Variants in PDE11A observed in about 807,000 individuals in gnomAD.
The protein encoded by PDE11A is phosphodiesterase 11A, also known as dual 3',5'-cyclic-AMP and -GMP phosphodiesterase 11A.
Under a neutral mutation model 100.5 loss-of-function variants are expected in PDE11A, and 100 were observed. That is an observed-to-expected ratio of 1.00 (90% CI 0.85 to 1.18). The LOEUF is 1.18. PDE11A is among the 50% of genes most tolerant of loss of function. The pLI is 0.00. For missense variants in PDE11A, 1,141 were observed against 1,152.6 expected, an observed-to-expected ratio of 0.99 and a Z score of 0.15; for synonymous variants, 381 against 420.8, an observed-to-expected ratio of 0.91 and a Z score of 1.16.
chr2:178,071,470 G>A (rs1326748254), intron 1 of PDE11A, 56 bp downstream of exon 1: 27 of 1,609,350 alleles, frequency 1.7e-5, no homozygotes, highest in Non-Finnish European at 1.9e-5. Flanking sequence ...GATAACCGAA[G>A]GCTTATCTCC....
At chr2:177,634,008 G>C (rs1374963169) in intron 19 of PDE11A, among the ~76,000 whole-genome samples, 1 of 152,114 alleles carries the variant, frequency 6.6e-6, no homozygotes, top group Non-Finnish European at 1.5e-5. Flanking sequence ...AAGCTGCTGG[G>C]AAATGATCTT....
In PDE11A at chr2:177,840,339, A is replaced by C. The variant is rs750217364; in HGVS notation, c.1412T>G (p.Ile471Arg). The C allele has an allele frequency of 1.2e-6, 2 of 1,613,532 alleles. No individual in the cohort carries two copies. Among genetic ancestry groups the C allele is most frequent in the East Asian group, 4.5e-5 (2 of 44,876 alleles). ...AACCAGCTCAGCAATGCTGTTATTT[A>C]TTAGCCAGTCGGAGTATGATGATTT... is the stretch of plus-strand genomic sequence containing the variant. Reference protein sequence around the residue: ...MEKSSYSDWLINNSIAELVAS... With the variant: ...MEKSSYSDWLRNNSIAELVAS... The change falls in exon 6 of 20, where the codon ATA becomes AGA. Residue 471 changes from isoleucine (I) to arginine (R), a missense_variant. Physicochemically the swap from Ile to Arg is moderately conservative, Grantham distance 97. Transcript: ENST00000286063.
upstream of PDE11A, among the ~76,000 whole-genome samples, chr2:178,073,327 T>C (rs1045716688): frequency 7.2e-5 from 11 of 152,176 alleles, no homozygotes; most frequent in Admixed American, 3.3e-4. Flanking sequence ...TCCCCGAAAA[T>C]AGCAAATAAA....
At chr2:177,705,271 A>G (rs1170218808) in intron 13 of PDE11A, among the ~76,000 whole-genome samples, 1 of 151,988 alleles carries the variant, frequency 6.6e-6, no homozygotes, top group East Asian at 1.9e-4. Flanking sequence ...GAAAAAATTG[A>G]CTTTAACAGC....
chr2:177,883,098 G>T (rs961089593), intron 4 of PDE11A, among the ~76,000 whole-genome samples: 1 of 151,722 alleles, frequency 6.6e-6, no homozygotes, highest in African/African-American at 2.4e-5. Flanking sequence ...GTGAAACCCC[G>T]TCTCTATTAA....
intron 1 of PDE11A, among the ~76,000 whole-genome samples, chr2:178,069,811 T>C (rs976320814): frequency 1.3e-5 from 2 of 151,988 alleles, no homozygotes; most frequent in African/African-American, 4.8e-5. Flanking sequence ...AAGGACAGTA[T>C]GAAATAAAGG....
At chr2:177,779,743 T>C (rs1259196260) in intron 9 of PDE11A, among the ~76,000 whole-genome samples, 1 of 152,198 alleles carries the variant, frequency 6.6e-6, no homozygotes, top group Non-Finnish European at 1.5e-5. Flanking sequence ...ACTGAAGTCT[T>C]AAACCCTTCA....
chr2:177,669,066 C>G (rs900276005), intron 18 of PDE11A, among the ~76,000 whole-genome samples: 1 of 152,094 alleles, frequency 6.6e-6, no homozygotes, highest in African/African-American at 2.4e-5. Context: ...ACAAAAGAAA[C>G]AGAGATTTGA....
At chr2:177,825,395 G>C (rs1408400673) in intron 6 of PDE11A, among the ~76,000 whole-genome samples, 1 of 152,184 alleles carries the variant, frequency 6.6e-6, no homozygotes, top group African/African-American at 2.4e-5. Context: ...AATCAGGTGG[G>C]AGAGGAGAAC....
chr2:177,767,285 G>A (rs1306810824), intron 10 of PDE11A, among the ~76,000 whole-genome samples: 2 of 152,042 alleles, frequency 1.3e-5, no homozygotes, highest in African/African-American at 2.4e-5. Context: ...AGCTGAGACT[G>A]TGCCACTGCA....
chr2:177,719,878 C>CA (rs148851424), intron 12 of PDE11A, among the ~76,000 whole-genome samples: 220 of 150,806 alleles, frequency 1.5e-3, no homozygotes, highest in Middle Eastern at 3.4e-3. Context: ...ATCTTAACAA[C>CA]AAAAAAAAAG....
intron 5 of PDE11A, among the ~76,000 whole-genome samples, chr2:177,850,300 A>G (rs1436675781): frequency 1.3e-5 from 2 of 152,256 alleles, no homozygotes; most frequent in Non-Finnish European, 2.9e-5. Context: ...TTCCCTATTT[A>G]ATAAATGGTG....
chr2:178,077,597 T>C (rs1009052731), upstream of PDE11A, among the ~76,000 whole-genome samples: 3 of 152,196 alleles, frequency 2.0e-5, no homozygotes, highest in Non-Finnish European at 2.9e-5. Flanking sequence ...CATTAAGGCC[T>C]TGTCAAAAGG....
intron 10 of PDE11A, among the ~76,000 whole-genome samples, chr2:177,742,378 G>A (rs541037715): frequency 6.6e-6 from 1 of 152,144 alleles, no homozygotes; most frequent in East Asian, 1.9e-4. Flanking sequence ...CCTCTCTATT[G>A]CCCCTGATGA....
At chr2:178,004,376 T>TG (rs2086180288) in intron 2 of PDE11A, among the ~76,000 whole-genome samples, 1 of 152,212 alleles carries the variant, frequency 6.6e-6, no homozygotes, top group South Asian at 2.1e-4. Flanking sequence ...GAAAGGAATT[T>TG]AATTTTTAAA....
rs952609899 is a variant in PDE11A at position 178,027,820 on chromosome 2, C to A, written c.913-13360G>T. ...ATGGATTTTTCAACTCTCTCAGATTCTGACCTTCTCCACATTTAATGTGAA... is the reference window on the plus strand; with the variant it reads ...ATGGATTTTTCAACTCTCTCAGATTATGACCTTCTCCACATTTAATGTGAA... On this transcript the variant is annotated intron_variant, in intron 1 of 19. Coordinates refer to ENST00000286063, the MANE Select transcript of PDE11A (RefSeq NM_016953.4). Among the ~76,000 whole-genome samples the A allele has an allele frequency of 3.9e-4, 60 of 152,170 alleles. 3 individuals carry two copies. Among genetic ancestry groups the A allele is most frequent in the Admixed American group, 6.5e-5 (1 of 15,270 alleles).
At chr2:177,854,150 G>C (rs1195550930) in intron 5 of PDE11A, among the ~76,000 whole-genome samples, 1 of 151,636 alleles carries the variant, frequency 6.6e-6, no homozygotes, top group African/African-American at 2.4e-5. Context: ...ACCTATATAG[G>C]CTACTTTATT....
chr2:178,051,711 T>A (rs1238662806), intron 1 of PDE11A, among the ~76,000 whole-genome samples: 1 of 152,086 alleles, frequency 6.6e-6, no homozygotes, highest in Non-Finnish European at 1.5e-5. Context: ...GGGGTTGCAA[T>A]CCTAGTCTCT....
At chr2:177,836,191 C>A (rs1405880275) in intron 6 of PDE11A, among the ~76,000 whole-genome samples, 2 of 152,244 alleles carry the variant, frequency 1.3e-5, no homozygotes, top group Non-Finnish European at 2.9e-5. Context: ...TGTAAATACA[C>A]CAATCAGCAC....
Sources: gnomAD v4.1 joint callset for allele counts (sites outside exome capture counted in the v4.1 genomes callset) on GRCh38, gnomAD v4.1.1 for gene constraint, MANE v1.5 for transcripts, NCBI Gene and HGNC (gene_info 2026-07-23, HGNC 2026-07-21) for gene names.